TRPM2: variants seen among roughly 807,000 people sequenced by gnomAD.
TRPM2 encodes the protein transient receptor potential cation channel subfamily M member 2.
A neutral mutation model predicts 174.0 loss-of-function variants in TRPM2; 161 were observed. The observed-to-expected ratio is 0.93, with a 90% confidence interval of 0.81 to 1.05. The LOEUF is 1.05. Ranked by LOEUF, TRPM2 falls within the 50% of genes least tolerant of loss-of-function variation. The pLI is 0.00. For synonymous variants in TRPM2, 954 were observed against 861.3 expected (o/e 1.11, Z -1.88); for missense variants, 2,057 against 2,038.0 (o/e 1.01, Z -0.18).
rs1472198766 is a variant in TRPM2, at chr21:44,435,203, C to A, written c.4047C>A (p.Tyr1349Ter). ...GCTTCGGACCCAACCACACGCTGTACCCCATGGTCACGCGGTGAGTTCATG... is the reference window on the plus strand; with the variant it reads ...GCTTCGGACCCAACCACACGCTGTAACCCATGGTCACGCGGTGAGTTCATG... The part of the protein sequence containing the change: ...LSCFGPNHTL[Y>*]PMVTRWRRNE... Residue 1349 changes from tyrosine (Y) to a stop codon, truncating the protein, a stop_gained, in exon 28 of 32, where the codon TAC (tyrosine) becomes TAA (stop). Transcript: ENST00000397928. LOFTEE classifies it high-confidence loss of function. The A allele has an allele frequency of 3.1e-6, 5 of 1,613,192 alleles. No homozygotes were observed. The highest frequency in any genetic ancestry group is 4.2e-6 in the Non-Finnish European group (5 of 1,179,476).
chr21:44,391,614 G>C lies in TRPM2; in HGVS notation c.1783G>C (p.Val595Leu). 2 of 1,576,820 alleles carry C rather than the reference G, an allele frequency of 1.3e-6. No homozygotes were observed. The highest frequency in any genetic ancestry group is 1.8e-4 in the Middle Eastern group (1 of 5,412). ...GCGGCTCCTGCTGCCCGTTCCCCAC[G>C]TCAAGCTCAACGTGCGTGCTGGTAA... ...RLRLLLPVPH[V>L]KLNVQGVSLR... The change falls in exon 11 of 32, where the codon GTC becomes CTC. Residue 595 changes from valine (V) to leucine (L), a missense_variant. By Grantham distance (32) the Val-to-Leu change is conservative. Coordinates refer to ENST00000397928, the MANE Select transcript of TRPM2 (RefSeq NM_003307.4). This position sits in a 1 kb window ranked among gnomAD's most constrained non-coding sequence, Gnocchi z 5.0.
intron 5 of TRPM2, among the ~76,000 whole-genome samples, chr21:44,372,136 A>C (rs187188542): frequency 6.6e-6 from 1 of 151,722 alleles, no homozygotes; most frequent in African/African-American, 2.4e-5. Context: ...AAACCAAACC[A>C]AACCAAACAA....
intron 2 of TRPM2, among the ~76,000 whole-genome samples, chr21:44,361,554 T>G (rs567759613): frequency 1.5e-4 from 23 of 152,198 alleles, no homozygotes; most frequent in Non-Finnish European, 2.8e-4. Context: ...GTTTTTTAAT[T>G]GTCATATTTA....
chr21:44,393,925 T>G (rs2049258827), intron 11 of TRPM2, among the ~76,000 whole-genome samples: 1 of 152,112 alleles, frequency 6.6e-6, no homozygotes, highest in Non-Finnish European at 1.5e-5. Context: ...CAGGCTGGAG[T>G]GCAATGGTAT....
At chr21:44,415,994 TG>T (rs1391110799) in intron 20 of TRPM2, 1 of 152,034 alleles carries the variant, frequency 6.6e-6, no homozygotes, top group Non-Finnish European at 1.5e-5. Context: ...CACAGGTGTT[TG>T]GGGTCCTAGT....
chr21:44,378,969 C>T (rs759736136), intron 7 of TRPM2, 28 bp from the exon 8 acceptor site: 59 of 1,595,762 alleles, frequency 3.7e-5, no homozygotes, highest in East Asian at 4.5e-5. Context: ...GACCCAGTCC[C>T]GGGCTCACAC....
At chr21:44,351,139 T>C (rs2122996676), upstream of TRPM2, among the ~76,000 whole-genome samples, 8 of 152,230 alleles carry the variant, frequency 5.3e-5, no homozygotes, top group Non-Finnish European at 8.8e-5. Context: ...GGGAATCTGC[T>C]GGGCTGGGCT....
At chr21:44,409,814 A>G (rs2050034562) in intron 19 of TRPM2, among the ~76,000 whole-genome samples, 1 of 145,256 alleles carries the variant, frequency 6.9e-6, no homozygotes, top group South Asian at 2.2e-4. Context: ...GTAAGTTTTG[A>G]CCGCACTGTC....
chr21:44,356,617 C>T (rs140842717), intron 2 of TRPM2, among the ~76,000 whole-genome samples: 4 of 150,584 alleles, frequency 2.7e-5, no homozygotes, highest in African/African-American at 9.8e-5. Flanking sequence ...CTGCAACCTT[C>T]GTCTCCCAGG....
intron 6 of TRPM2, 23 bp from the exon 7 acceptor site, chr21:44,377,689 A>G (rs572878984): frequency 1.2e-6 from 2 of 1,613,568 alleles, no homozygotes; most frequent in South Asian, 1.1e-5. Context: ...TGTGGCCCTC[A>G]CTCGGCTGTG....
At chr21:44,377,459 A>G (rs1454148235) in intron 6 of TRPM2, among the ~76,000 whole-genome samples, 1 of 152,202 alleles carries the variant, frequency 6.6e-6, no homozygotes, top group Non-Finnish European at 1.5e-5. Context: ...GATGTGGAAC[A>G]GGCAGGTCCC....
chr21:44,380,109 C>T (rs1010335485), intron 8 of TRPM2, among the ~76,000 whole-genome samples: 7 of 152,180 alleles, frequency 4.6e-5, no homozygotes, highest in African/African-American at 7.2e-5. Context: ...CCACGGGTGT[C>T]GGAAGGGCTG....
chr21:44,406,798 T>TGCTGCC, intron 19 of TRPM2, 33 bp downstream of exon 19: 1 of 1,574,192 alleles, frequency 6.4e-7, no homozygotes, highest in African/African-American at 1.4e-5. Flanking sequence ...GCTCGGGTGG[T>TGCTGCC]GCTGCCGGGA....
chr21:44,363,390 C>T (rs973434161), intron 2 of TRPM2, among the ~76,000 whole-genome samples: 6 of 152,058 alleles, frequency 3.9e-5, no homozygotes, highest in African/African-American at 1.4e-4. Flanking sequence ...CTCTGTTGTT[C>T]TTATTGGGCA....
intron 27 of TRPM2, among the ~76,000 whole-genome samples, chr21:44,431,533 G>A (rs929075735): frequency 3.3e-5 from 5 of 152,014 alleles, no homozygotes; most frequent in Admixed American, 1.3e-4. Context: ...GCAGTGGTGC[G>A]ATCTTGGCTC....
intron 9 of TRPM2, among the ~76,000 whole-genome samples, chr21:44,389,390 C>T (rs574821813): frequency 6.6e-6 from 1 of 152,236 alleles, no homozygotes; most frequent in South Asian, 2.1e-4. Context: ...TGCTATTTGT[C>T]TTCATTTCTC....
rs1468971616 is a variant in TRPM2, at chr21:44,400,299, A to T, written c.2249A>T (p.Asp750Val). The T allele has an allele frequency of 6.2e-7, 1 of 1,612,924 alleles. No individual in the cohort carries two copies. Among genetic ancestry groups the T allele is most frequent in the East Asian group, 2.2e-5 (1 of 44,868 alleles). ...GTGTGGTGGGGCCAGCTCTCCGTGGACAATGGGCTGTGGCGTGTGACCCTG... is the reference window on the plus strand; with the variant it reads ...GTGTGGTGGGGCCAGCTCTCCGTGGTCAATGGGCTGTGGCGTGTGACCCTG... ...TKVWWGQLSV[D>V]NGLWRVTLCM... The change falls in exon 15 of 32, where the codon GAC becomes GTC. Residue 750 changes from aspartate to valine, a missense_variant. Coordinates refer to ENST00000397928, the MANE Select transcript of TRPM2 (RefSeq NM_003307.4).
In TRPM2 at chr21:44,358,117, C is replaced by T. The variant is rs143931853; in HGVS notation, c.254+3381C>T. 5.3e-5 allele frequency among the ~76,000 whole-genome samples: 8 copies of T among 152,334 alleles called. No homozygotes were observed. The East Asian group carries it at 5.8e-4, about 11-fold the overall frequency. Reference sequence around the variant, plus strand: ...CCACTCGTCCAGACCTGGAGCCCCTCGACACCCGCCCGGGTAATCCCACTG... The same window carrying T: ...CCACTCGTCCAGACCTGGAGCCCCTTGACACCCGCCCGGGTAATCCCACTG... On this transcript the variant is annotated intron_variant, in intron 2 of 31. Coordinates refer to ENST00000397928, the MANE Select transcript of TRPM2 (RefSeq NM_003307.4).
rs372969244 is a variant in TRPM2 at position 44,434,400 on chromosome 21, T to TGGTGGCGGGGAC, written c.3975-724_3975-713dup. Reference sequence around the variant, plus strand: ...GTGTTGGGAACGCTGGTGGCGGGGATGGTGGCGGGGACGGTGGCAGGGATG... The same window carrying TGGTGGCGGGGAC: ...GTGTTGGGAACGCTGGTGGCGGGGATGGTGGCGGGGACGGTGGCGGGGACGGTGGCAGGGATG... On this transcript the variant is annotated intron_variant, in intron 27 of 31. Coordinates refer to ENST00000397928, the MANE Select transcript of TRPM2 (RefSeq NM_003307.4). 2.7e-3 allele frequency among the ~76,000 whole-genome samples: 393 copies of TGGTGGCGGGGAC among 147,430 alleles called. 1 individual carries two copies. The highest frequency in any genetic ancestry group is 9.4e-3 in the African/African-American group (375 of 39,880).
Sources: allele counts gnomAD v4.1 joint callset (sites outside exome capture counted in the v4.1 genomes callset), GRCh38; gene constraint gnomAD v4.1.1; non-coding constraint Gnocchi (gnomAD v3.1); transcripts MANE v1.5; gene names NCBI Gene and HGNC (gene_info 2026-07-23, HGNC 2026-07-21).